Variants in TENM4 observed in about 807,000 individuals in gnomAD.
TENM4 encodes the protein teneurin-4.
In TENM4, 82 loss-of-function variants were observed where a neutral mutation model predicts 243.3. The ratio of observed to expected loss-of-function variants is 0.34; its 90% CI spans 0.28 to 0.40. The LOEUF is 0.40. Among genes scored for constraint, TENM4 ranks in the 10% least tolerant of loss-of-function variants. The probability of loss-of-function intolerance (pLI) is 1.00; values close to 1 mark genes in which losing one functional copy is unlikely to be tolerated. For missense variants in TENM4, 3,138 were observed against 3,673.3 expected, an observed-to-expected ratio of 0.85 and a Z score of 3.77; for synonymous variants, 1,412 against 1,456.3, an observed-to-expected ratio of 0.97 and a Z score of 0.69.
At chr11:78,963,543 C>G (rs559280230) in intron 6 of TENM4, among the ~76,000 whole-genome samples, 46 of 152,142 alleles carry the variant, frequency 3.0e-4, no homozygotes, top group Admixed American at 1.0e-3. Flanking sequence ...ACAGACTGAA[C>G]CTTAGGAAAA....
chr11:79,325,712 G>C (rs1421493300), intron 1 of TENM4, among the ~76,000 whole-genome samples: 2 of 152,236 alleles, frequency 1.3e-5, no homozygotes, highest in Non-Finnish European at 2.9e-5. Context: ...CAGGCGCTCA[G>C]TGAACAGAGG....
At chr11:79,010,073 G>A (rs899214419) in intron 6 of TENM4, among the ~76,000 whole-genome samples, 1 of 152,046 alleles carries the variant, frequency 6.6e-6, no homozygotes, top group Non-Finnish European at 1.5e-5. Context: ...TGATTGTGAG[G>A]ACTCCCCAGC....
At chr11:79,032,365 C>T (rs1395825469) in intron 6 of TENM4, among the ~76,000 whole-genome samples, 1 of 152,164 alleles carries the variant, frequency 6.6e-6, no homozygotes, top group Non-Finnish European at 1.5e-5. Flanking sequence ...TGTCCCCCTG[C>T]TTTATCTTAC....
intron 12 of TENM4, among the ~76,000 whole-genome samples, chr11:78,827,785 G>T (rs189646576): frequency 6.6e-6 from 1 of 152,108 alleles, no homozygotes; most frequent in Admixed American, 6.5e-5. Context: ...CACTGCGCCC[G>T]GCCAAAGCCC....
At chr11:79,109,951 G>A (rs764299599) in intron 4 of TENM4, among the ~76,000 whole-genome samples, 6 of 152,206 alleles carry the variant, frequency 3.9e-5, no homozygotes, top group Non-Finnish European at 7.3e-5. Context: ...TGCTAATGCA[G>A]CTATTGTTGC....
chr11:78,700,601 A>T (rs902236495), intron 28 of TENM4, among the ~76,000 whole-genome samples: 1 of 152,240 alleles, frequency 6.6e-6, no homozygotes, highest in Non-Finnish European at 1.5e-5. Flanking sequence ...CATTCATTAA[A>T]TATCTCTTAG....
chr11:79,070,106 G>A (rs1327983870), intron 4 of TENM4, 97 bp from the exon 5 acceptor site: 1 of 1,395,966 alleles, frequency 7.2e-7, no homozygotes, highest in Non-Finnish European at 9.4e-7. Context: ...TGTGGACAGA[G>A]AACCCCAGGC....
chr11:78,832,683 C>T (rs182041296), intron 12 of TENM4, among the ~76,000 whole-genome samples: 92 of 152,340 alleles, frequency 6.0e-4, no homozygotes, highest in Non-Finnish European at 1.1e-3. Context: ...ATGTAATCCT[C>T]GTAATAAGGG....
In TENM4 at chr11:79,156,494, T is replaced by C. The variant is rs180819906; in HGVS notation, c.-162-7688A>G. ...CAAGGCTTTCTCAGGCCTCCAGCAC[T>C]TTCTACATGCTGTTTCCTTAGTCTC... On this transcript the variant is annotated intron_variant, in intron 3 of 33. Transcript: ENST00000278550. Among the ~76,000 whole-genome samples, 452 of 152,308 alleles carry C rather than the reference T, an allele frequency of 3.0e-3. 3 individuals are homozygous for C. Among genetic ancestry groups the C allele is most frequent in the Non-Finnish European group, 5.4e-3 (370 of 68,022 alleles).
At chr11:78,885,928 C>CAAACAA (rs1565423379) in intron 9 of TENM4, among the ~76,000 whole-genome samples, 2 of 151,912 alleles carry the variant, frequency 1.3e-5, no homozygotes, top group African/African-American at 4.8e-5. Context: ...CCCATCTCTA[C>CAAACAA]ACAAACAAAC....
At chr11:78,899,564 G>GGGA (rs1591112031) in intron 7 of TENM4, among the ~76,000 whole-genome samples, 3 of 134,844 alleles carry the variant, frequency 2.2e-5, no homozygotes, top group Non-Finnish European at 4.8e-5. Context: ...AAAAGCGGGG[G>GGGA]GGGGGGGAAA....
At chr11:79,308,842 A>G (rs1448340506) in intron 1 of TENM4, among the ~76,000 whole-genome samples, 2 of 152,222 alleles carry the variant, frequency 1.3e-5, no homozygotes, top group Non-Finnish European at 2.9e-5. Context: ...TAAAATGGGA[A>G]TAACCACACC....
chr11:79,237,805 G>C (rs1353419236), intron 2 of TENM4, among the ~76,000 whole-genome samples: 1 of 152,182 alleles, frequency 6.6e-6, no homozygotes, highest in African/African-American at 2.4e-5. Context: ...CGGCTCAGAG[G>C]CTCTTTTTCG....
At chr11:79,019,391 A>C (rs1858863928) in intron 6 of TENM4, among the ~76,000 whole-genome samples, 2 of 152,174 alleles carry the variant, frequency 1.3e-5, no homozygotes. Context: ...ACAGAGTAGA[A>C]GAGCCCATCC....
chr11:79,044,382 C>A (rs562356295), intron 6 of TENM4, among the ~76,000 whole-genome samples: 1 of 152,276 alleles, frequency 6.6e-6, no homozygotes, highest in South Asian at 2.1e-4. Context: ...TCAGAGGGAT[C>A]CCTGTGCAGC....
intron 3 of TENM4, among the ~76,000 whole-genome samples, chr11:79,161,751 G>A (rs1006656237): frequency 1.3e-5 from 2 of 152,208 alleles, no homozygotes; most frequent in Non-Finnish European, 2.9e-5. Flanking sequence ...CTCTGTGAAA[G>A]GAGTTCAACC....
chr11:78,673,084 C>G (rs1221202353), intron 30 of TENM4, among the ~76,000 whole-genome samples: 1 of 152,034 alleles, frequency 6.6e-6, no homozygotes, highest in African/African-American at 2.4e-5. Flanking sequence ...GCACTTTGCT[C>G]CTGCCTTCAG....
chr11:79,349,588 A>C (rs1031717029), intron 1 of TENM4, among the ~76,000 whole-genome samples: 1 of 152,168 alleles, frequency 6.6e-6, no homozygotes, highest in Non-Finnish European at 1.5e-5. Context: ...GACAGAAAAA[A>C]ACCTCTGCTT....
At chr11:79,181,097 C>T (rs748004972) in intron 3 of TENM4, among the ~76,000 whole-genome samples, 9 of 152,030 alleles carry the variant, frequency 5.9e-5, no homozygotes, top group East Asian at 5.8e-4. Flanking sequence ...TTCCATGAGG[C>T]CAGCATTACC....
Sources: gnomAD v4.1 joint callset for allele counts (sites outside exome capture counted in the v4.1 genomes callset) on GRCh38, gnomAD v4.1.1 for gene constraint, MANE v1.5 for transcripts, NCBI Gene and HGNC (gene_info 2026-07-23, HGNC 2026-07-21) for gene names.